AKT3: variants seen among roughly 807,000 people sequenced by gnomAD.
The protein encoded by AKT3 is RAC-gamma serine/threonine-protein kinase.
A neutral mutation model predicts 65.3 loss-of-function variants in AKT3; 15 were observed. That is an observed-to-expected ratio of 0.23 (90% confidence interval 0.15 to 0.35). The LOEUF (loss-of-function observed/expected upper bound fraction) is 0.35, where lower values mean the gene tolerates loss of function less well. Among genes scored for constraint, AKT3 ranks in the 10% least tolerant of loss-of-function variants. AKT3 has a pLI of 1.00. For missense variants in AKT3, 243 were observed against 576.5 expected, an observed-to-expected ratio of 0.42 and a Z score of 5.92; for synonymous variants, 206 against 183.8, an observed-to-expected ratio of 1.12 and a Z score of -0.98.
At chr1:243,656,404 G>A (rs147834240) in intron 4 of AKT3, among the ~76,000 whole-genome samples, 86 of 152,300 alleles carry the variant, frequency 5.6e-4, no homozygotes, top group African/African-American at 2.0e-3. Flanking sequence ...AGAACTTACA[G>A]TCTGATGGGG....
At chr1:243,701,201 C>A (rs1685439614) in intron 2 of AKT3, among the ~76,000 whole-genome samples, 2 of 152,172 alleles carry the variant, frequency 1.3e-5, no homozygotes, top group African/African-American at 4.8e-5. Context: ...TGCAAATAGT[C>A]TTTCATCTAG....
chr1:243,509,493 A>C (rs1462308120), intron 13 of AKT3, among the ~76,000 whole-genome samples: 1 of 152,124 alleles, frequency 6.6e-6, no homozygotes, highest in Non-Finnish European at 1.5e-5. Context: ...AAAATGACTG[A>C]CTAGCCTAAG....
chr1:243,811,827 C>T (rs1042122799), intron 2 of AKT3, among the ~76,000 whole-genome samples: 6 of 152,078 alleles, frequency 3.9e-5, no homozygotes, highest in East Asian at 1.9e-4. Context: ...AACAGAGATA[C>T]AGACCAATGG....
At chr1:243,759,555 A>T (rs1371562799) in intron 2 of AKT3, among the ~76,000 whole-genome samples, 1 of 151,980 alleles carries the variant, frequency 6.6e-6, no homozygotes, top group Non-Finnish European at 1.5e-5. Context: ...AAAAAGAAAA[A>T]AAAAATAAAA....
chr1:243,692,401 T>TA (rs1250092190), intron 3 of AKT3, among the ~76,000 whole-genome samples: 1 of 152,118 alleles, frequency 6.6e-6, no homozygotes, highest in East Asian at 1.9e-4. Flanking sequence ...CCTTAGTCCT[T>TA]ATGACTATCC....
intron 3 of AKT3, among the ~76,000 whole-genome samples, chr1:243,672,137 T>C (rs1215008258): frequency 6.6e-6 from 1 of 152,172 alleles, no homozygotes; most frequent in Non-Finnish European, 1.5e-5. Flanking sequence ...AGTATAGGGA[T>C]GGACAGGAAT....
chr1:243,750,145 G>T (rs898939149), intron 2 of AKT3, among the ~76,000 whole-genome samples: 2 of 152,124 alleles, frequency 1.3e-5, no homozygotes, highest in Non-Finnish European at 2.9e-5. Context: ...ATTTGCCTAT[G>T]AATTTAGCTC....
At chr1:243,777,006 G>C (rs554959435) in intron 2 of AKT3, among the ~76,000 whole-genome samples, 1 of 152,150 alleles carries the variant, frequency 6.6e-6, no homozygotes, top group Non-Finnish European at 1.5e-5. Flanking sequence ...AGTGTTACCC[G>C]AGTGGGTTAA....
intron 10 of AKT3, among the ~76,000 whole-genome samples, chr1:243,559,420 G>A (rs185628205): frequency 3.3e-5 from 5 of 152,230 alleles, no homozygotes; most frequent in African/African-American, 9.6e-5. Context: ...CATCAAAAGA[G>A]ATAAGAGAAC....
upstream of AKT3, among the ~76,000 whole-genome samples, chr1:243,850,627 AG>A (rs200286951): frequency 0.05 from 7,484 of 150,406 alleles, 632 homozygotes; most frequent in African/African-American, 0.17. Flanking sequence ...GTTGACTTTG[AG>A]GAAAACTCCT....
intron 2 of AKT3, among the ~76,000 whole-genome samples, chr1:243,744,942 T>C (rs919392171): frequency 2.0e-5 from 3 of 151,656 alleles, no homozygotes; most frequent in African/African-American, 7.3e-5. Flanking sequence ...AAAAAAAAAA[T>C]TGTTTTAATT....
intron 4 of AKT3, among the ~76,000 whole-genome samples, chr1:243,663,405 A>G (rs1682526770): frequency 1.3e-5 from 2 of 151,226 alleles, no homozygotes; most frequent in African/African-American, 4.9e-5. Context: ...ATTAATTATC[A>G]AGGGAGAAAA....
intron 5 of AKT3, among the ~76,000 whole-genome samples, chr1:243,645,015 G>A (rs1297415714): frequency 6.6e-6 from 1 of 152,130 alleles, no homozygotes; most frequent in East Asian, 1.9e-4. Context: ...TTCACATAAG[G>A]AAAGGATAAT....
intron 10 of AKT3, among the ~76,000 whole-genome samples, chr1:243,561,308 T>G (rs1673757634): frequency 6.6e-6 from 1 of 152,144 alleles, no homozygotes; most frequent in Non-Finnish European, 1.5e-5. Flanking sequence ...TTTCTTTTGA[T>G]TACCTTTTCC....
chr1:243,813,494 AAAAAG>A (rs1355383128), intron 2 of AKT3, among the ~76,000 whole-genome samples: 2 of 148,242 alleles, frequency 1.3e-5, no homozygotes, highest in African/African-American at 5.0e-5. Flanking sequence ...GAAATAAAAA[AAAAAG>A]AAAAAAAGTA....
chr1:243,675,572 T>A (rs1431364298), intron 3 of AKT3, among the ~76,000 whole-genome samples: 1 of 152,316 alleles, frequency 6.6e-6, no homozygotes, highest in East Asian at 1.9e-4. Flanking sequence ...TTCCTCTCCT[T>A]CGTTTTGCTG....
intron 2 of AKT3, among the ~76,000 whole-genome samples, chr1:243,810,547 CA>C (rs1188407034): frequency 6.6e-6 from 1 of 151,974 alleles, no homozygotes; most frequent in Non-Finnish European, 1.5e-5. Context: ...GCTTACCAAC[CA>C]AAAAAAGTCC....
At chr1:243,649,380 A>G (rs990129564) in intron 4 of AKT3, among the ~76,000 whole-genome samples, 59 of 149,612 alleles carry the variant, frequency 3.9e-4, no homozygotes, top group African/African-American at 1.4e-3. Context: ...GTGTGTGTGT[A>G]TATATATATG....
intron 2 of AKT3, among the ~76,000 whole-genome samples, chr1:243,719,996 T>C (rs943589722): frequency 6.6e-6 from 1 of 152,082 alleles, no homozygotes; most frequent in African/African-American, 2.4e-5. Context: ...GAGAGAGACA[T>C]AAGAAATGAA....
Sources: allele counts gnomAD v4.1 joint callset (sites outside exome capture counted in the v4.1 genomes callset), GRCh38; gene constraint gnomAD v4.1.1; transcripts MANE v1.5; gene names NCBI Gene and HGNC (gene_info 2026-07-23, HGNC 2026-07-21).